Variants in LDB2 observed in about 807,000 individuals in gnomAD.
The protein encoded by LDB2 is LIM domain binding 2.
Under a neutral mutation model 44.3 loss-of-function variants are expected in LDB2, and 12 were observed. The observed-to-expected ratio is 0.27, with a 90% CI of 0.17 to 0.44. The LOEUF (loss-of-function observed/expected upper bound fraction) is 0.44. Ranked by LOEUF, LDB2 falls within the 20% of genes least tolerant of loss-of-function variation. The probability of loss-of-function intolerance (pLI) is 1.00; values close to 1 mark genes in which losing one functional copy is unlikely to be tolerated. For synonymous variants in LDB2, 164 were observed against 174.8 expected (o/e 0.94, Z 0.49); for missense variants, 344 against 473.5 (o/e 0.73, Z 2.54).
At chr4:16,622,545 G>A (rs553486382) in intron 2 of LDB2, among the ~76,000 whole-genome samples, 1 of 152,332 alleles carries the variant, frequency 6.6e-6, no homozygotes, top group East Asian at 1.9e-4. Flanking sequence ...GGCTGGTTTT[G>A]TATGGAGGTT....
At chr4:16,670,305 G>T (rs1351127585) in intron 2 of LDB2, among the ~76,000 whole-genome samples, 1 of 152,126 alleles carries the variant, frequency 6.6e-6, no homozygotes, top group Admixed American at 6.5e-5. Context: ...GTAGATATAG[G>T]TACCAAATAT....
At chr4:16,739,872 G>GT (rs916125618) in intron 2 of LDB2, among the ~76,000 whole-genome samples, 6 of 148,586 alleles carry the variant, frequency 4.0e-5, no homozygotes, top group African/African-American at 1.5e-4. Context: ...TTATATGAGG[G>GT]TTTTTTTTAA....
At chr4:16,876,754 A>G (rs1049112097) in intron 1 of LDB2, among the ~76,000 whole-genome samples, 1 of 152,112 alleles carries the variant, frequency 6.6e-6, no homozygotes, top group African/African-American at 2.4e-5. Flanking sequence ...GATCCCTACC[A>G]ACAGTAATCA....
At chr4:16,889,505 G>C (rs1722730559) in intron 1 of LDB2, 1 of 152,208 alleles carries the variant, frequency 6.6e-6, no homozygotes, top group African/African-American at 2.4e-5. Flanking sequence ...TTTTCCTTTG[G>C]GCTTGACGTG....
chr4:16,885,091 G>A (rs778418916), intron 1 of LDB2, among the ~76,000 whole-genome samples: 6 of 151,286 alleles, frequency 4.0e-5, no homozygotes, highest in African/African-American at 7.3e-5. Flanking sequence ...GATCTGAGGC[G>A]GGAGGATCAC....
intron 2 of LDB2, among the ~76,000 whole-genome samples, chr4:16,738,241 A>G (rs555519887): frequency 8.5e-5 from 13 of 152,286 alleles, no homozygotes; most frequent in African/African-American, 3.1e-4. Flanking sequence ...AAAGTTTAGA[A>G]ACATCACAAG....
At chr4:16,652,626 G>C (rs537136821) in intron 2 of LDB2, among the ~76,000 whole-genome samples, 2 of 152,144 alleles carry the variant, frequency 1.3e-5, no homozygotes, top group Non-Finnish European at 2.9e-5. Flanking sequence ...GCTAGACATC[G>C]GGTACCACTT....
At chr4:16,745,940 A>G (rs1207778944) in intron 2 of LDB2, among the ~76,000 whole-genome samples, 1 of 151,832 alleles carries the variant, frequency 6.6e-6, no homozygotes, top group African/African-American at 2.4e-5. Context: ...AAGGGTACAC[A>G]GTATGGGCCT....
intron 2 of LDB2, among the ~76,000 whole-genome samples, chr4:16,706,932 C>G (rs372173739): frequency 2.2e-4 from 33 of 152,126 alleles, no homozygotes; most frequent in South Asian, 4.1e-4. Context: ...TTCCATCTAC[C>G]TTTACTGACC....
chr4:16,623,356 G>A (rs1729397268), intron 2 of LDB2, among the ~76,000 whole-genome samples: 1 of 152,196 alleles, frequency 6.6e-6, no homozygotes, highest in Non-Finnish European at 1.5e-5. Context: ...CCAGCACTTT[G>A]AGAGACCGAG....
chr4:16,733,314 G>T (rs1467809226), intron 2 of LDB2, among the ~76,000 whole-genome samples: 1 of 151,654 alleles, frequency 6.6e-6, no homozygotes, highest in Admixed American at 6.6e-5. Flanking sequence ...CAGGATAATT[G>T]GAATAAATTT....
At chr4:16,635,395 G>A (rs544691395) in intron 2 of LDB2, among the ~76,000 whole-genome samples, 1 of 152,186 alleles carries the variant, frequency 6.6e-6, no homozygotes, top group Non-Finnish European at 1.5e-5. Context: ...ATGGTTGGGA[G>A]TCAGAGCTTG....
intron 1 of LDB2, among the ~76,000 whole-genome samples, chr4:16,878,447 C>G (rs1242687408): frequency 6.6e-6 from 1 of 152,154 alleles, no homozygotes; most frequent in Non-Finnish European, 1.5e-5. Context: ...TCATCTTTTA[C>G]CAGAAAACTA....
At chr4:16,669,180 G>A (rs1265008672) in intron 2 of LDB2, among the ~76,000 whole-genome samples, 2 of 152,188 alleles carry the variant, frequency 1.3e-5, no homozygotes, top group East Asian at 3.9e-4. Context: ...TCTTAGATGT[G>A]GAACTGAAGG....
At chr4:16,611,303 T>A (rs1447545380) in intron 2 of LDB2, among the ~76,000 whole-genome samples, 1 of 152,144 alleles carries the variant, frequency 6.6e-6, no homozygotes. Context: ...AGAAACTGCG[T>A]CAACTAGTGT....
chr4:16,525,175 G>A (rs1727749017), intron 5 of LDB2, among the ~76,000 whole-genome samples: 2 of 152,182 alleles, frequency 1.3e-5, no homozygotes, highest in African/African-American at 4.8e-5. Context: ...ACAGCTGTGT[G>A]CTGGGGTTTG....
intron 1 of LDB2, among the ~76,000 whole-genome samples, chr4:16,870,751 G>A (rs1442767145): frequency 2.0e-5 from 3 of 152,088 alleles, no homozygotes; most frequent in Non-Finnish European, 4.4e-5. Context: ...TCCTGCCTCA[G>A]CCTCCCAAGT....
At chr4:16,563,231 A>T (rs573358315) in intron 5 of LDB2, among the ~76,000 whole-genome samples, 199 of 150,806 alleles carry the variant, frequency 1.3e-3, no homozygotes, top group African/African-American at 3.9e-3. Flanking sequence ...ATAATAATAA[A>T]AAGACATTAT....
intron 1 of LDB2, among the ~76,000 whole-genome samples, chr4:16,814,643 T>C (rs1780573136): frequency 6.6e-6 from 1 of 152,180 alleles, no homozygotes; most frequent in Non-Finnish European, 1.5e-5. Context: ...AGACAATGTG[T>C]CCATCAACAG....
Sources: gnomAD v4.1 joint callset for allele counts (sites outside exome capture counted in the v4.1 genomes callset) on GRCh38, gnomAD v4.1.1 for gene constraint, MANE v1.5 for transcripts, NCBI Gene and HGNC (gene_info 2026-07-23, HGNC 2026-07-21) for gene names.